Variants in EIF3J observed in about 807,000 individuals in gnomAD.
EIF3J encodes the protein eukaryotic translation initiation factor 3 subunit J.
In EIF3J, 15 loss-of-function variants were observed where a neutral mutation model predicts 39.0. The observed-to-expected ratio is 0.38, with a 90% CI of 0.26 to 0.59. The LOEUF is 0.59. EIF3J is among the 20% of genes least tolerant of loss of function. The pLI is 0.60. For missense variants in EIF3J, 226 were observed against 308.6 expected (o/e 0.73, Z 2.00); for synonymous variants, 98 against 112.9 (o/e 0.87, Z 0.84).
intron 2 of EIF3J, among the ~76,000 whole-genome samples, chr15:44,540,632 A>C (rs2082007393): frequency 6.6e-6 from 1 of 152,008 alleles, no homozygotes; most frequent in South Asian, 2.1e-4. Context: ...GTAGAGATAG[A>C]GTTTCGCCAA....
chr15:44,547,065 C>G (rs1344050554), intron 2 of EIF3J, among the ~76,000 whole-genome samples: 2 of 151,980 alleles, frequency 1.3e-5, no homozygotes, highest in Non-Finnish European at 2.9e-5. Context: ...CTCAAGTGAT[C>G]TGCCTGCCTC....
intron 3 of EIF3J, 55 bp downstream of exon 3, chr15:44,550,985 A>T (rs895087016): frequency 6.3e-7 from 1 of 1,582,744 alleles, no homozygotes; most frequent in African/African-American, 1.4e-5. Context: ...AGCATTTGTG[A>T]CTTGTATTAA....
intron 6 of EIF3J, chr15:44,558,083 GC>G (rs1223817252): frequency 6.6e-6 from 1 of 152,464 alleles, no homozygotes; most frequent in African/African-American, 2.4e-5. Context: ...GACAGGGCTG[GC>G]ACCTATTCTC....
chr15:44,551,639 A>T, intron 4 of EIF3J, 117 bp downstream of exon 4: 1 of 718,442 alleles, frequency 1.4e-6, no homozygotes, highest in Non-Finnish European at 2.2e-6. Flanking sequence ...AATGGATACC[A>T]TAAGATAGGT....
intron 2 of EIF3J, among the ~76,000 whole-genome samples, chr15:44,542,970 C>G (rs915378246): frequency 2.0e-5 from 3 of 152,162 alleles, no homozygotes; most frequent in African/African-American, 7.2e-5. Flanking sequence ...GAGTTGTAGA[C>G]TTGCTCCCTA....
In EIF3J at chr15:44,562,548, AC is replaced by A. The variant is rs2082213698; in HGVS notation, c.*1400del. 6.5e-6 allele frequency: 1 copy of A among 153,364 alleles called. No homozygotes were observed. The highest frequency in any genetic ancestry group is 2.4e-5 in the African/African-American group (1 of 41,462). The allele number at this position is 153,364 out of a possible 1,614,324, so 9.5% of individuals were successfully genotyped here. Reference sequence around the variant, plus strand: ...AGGAACGTCAAAGCTCTGTATACCTACTAAGTGGAAAACAAGACCATCATCT... The same window carrying A: ...AGGAACGTCAAAGCTCTGTATACCTATAAGTGGAAAACAAGACCATCATCT... On this transcript the variant is annotated 3_prime_UTR_variant, in exon 8 of 8. Coordinates refer to ENST00000261868, the MANE Select transcript of EIF3J (RefSeq NM_003758.4).
rs753912691 is a variant in EIF3J, at chr15:44,554,584, C to G, written c.326C>G (p.Thr109Arg). ...GAACCCGAAGAACCTAAAGTGCTAA[C>G]ACCAGAAGAACAATTAGCAGATAAA... ...LEEPEEPKVL[T>R]PEEQLADKLR... Residue 109 changes from threonine to arginine, a missense_variant, in exon 5 of 8, where the codon ACA becomes AGA. Around this residue, in one of 2 missense-constraint regions of EIF3J, gnomAD observed 143 missense variants for 156.0 expected, o/e 0.92. Coordinates refer to ENST00000261868, the MANE Select transcript of EIF3J (RefSeq NM_003758.4). The G allele has an allele frequency of 6.2e-7, 1 of 1,612,154 alleles. No homozygotes were observed. The highest frequency in any genetic ancestry group is 8.5e-7 in the Non-Finnish European group (1 of 1,179,380).
chr15:44,549,197 C>G lies in EIF3J; in HGVS notation c.148-1679C>G, dbSNP rs2082077926. Among the ~76,000 whole-genome samples, 6 of 150,972 alleles carry G rather than the reference C, an allele frequency of 4.0e-5. No homozygotes were observed. In the South Asian group the frequency reaches 1.3e-3, roughly 32 times the overall value. ...TCACCTGAGGTTGGGAGTTCGAGAT[C>G]AGCCTGACCAACATGGACAAACCCC... On this transcript the variant is annotated intron_variant, in intron 2 of 7. Coordinates refer to ENST00000261868, the MANE Select transcript of EIF3J (RefSeq NM_003758.4).
chr15:44,539,026 CTTTTTTT>C (rs942051829), intron 2 of EIF3J, among the ~76,000 whole-genome samples: 45 of 136,286 alleles, frequency 3.3e-4, no homozygotes, highest in African/African-American at 1.2e-3. Context: ...GAATATAATT[CTTTTTTT>C]TTTTTTTTTT....
intron 5 of EIF3J, among the ~76,000 whole-genome samples, chr15:44,556,853 T>A (rs955522000): frequency 3.3e-5 from 5 of 151,842 alleles, no homozygotes; most frequent in African/African-American, 1.2e-4. Context: ...AGAGATGAGG[T>A]CTTGCTGTGT....
At chr15:44,556,147 T>C (rs1287164170) in intron 5 of EIF3J, among the ~76,000 whole-genome samples, 1 of 152,174 alleles carries the variant, frequency 6.6e-6, no homozygotes, top group African/African-American at 2.4e-5. Flanking sequence ...ATTACAGGCA[T>C]GAGCCACCAT....
intron 2 of EIF3J, among the ~76,000 whole-genome samples, chr15:44,540,997 T>A (rs576260143): frequency 6.6e-6 from 1 of 152,348 alleles, no homozygotes; most frequent in African/African-American, 2.4e-5. Context: ...AATAGCTGTC[T>A]GGCAGTGGCA....
chr15:44,552,242 C>A (rs2082105529), intron 4 of EIF3J, among the ~76,000 whole-genome samples: 1 of 151,674 alleles, frequency 6.6e-6, no homozygotes, highest in Non-Finnish European at 1.5e-5. Context: ...GAAATATATG[C>A]TTGTTTTTTT....
At position 44,540,630 on chromosome 15, in the gene EIF3J, A is replaced by G. The variant is rs140917409; in HGVS notation, c.147+3203A>G. Among the ~76,000 whole-genome samples, 75 of 148,914 alleles carry G rather than the reference A, an allele frequency of 5.0e-4. No individual in the cohort carries two copies. The East Asian group carries it at 0.011, about 21-fold the overall frequency. On this transcript the variant is annotated intron_variant, in intron 2 of 7. Coordinates refer to ENST00000261868, the MANE Select transcript of EIF3J (RefSeq NM_003758.4). ...TAATTTTTGTGTTTTTGGTAGAGAT[A>G]GAGTTTCGCCAAGTTGCCCAGGCTG...
rs1595810388 is a variant in EIF3J at position 44,561,485 on chromosome 15, C to T, written c.*336C>T. On this transcript the variant is annotated 3_prime_UTR_variant, in exon 8 of 8. Transcript: ENST00000261868. Reference sequence around the variant, plus strand: ...ACAAAAAAAATTGTGTAGTATTTACCAGCACCATTCAGTAATACAGCCTTA... The same window carrying T: ...ACAAAAAAAATTGTGTAGTATTTACTAGCACCATTCAGTAATACAGCCTTA... 4.9e-6 allele frequency: 1 copy of T among 204,456 alleles called. No homozygotes were observed. Among genetic ancestry groups the T allele is most frequent in the East Asian group, 1.1e-4 (1 of 8,858 alleles). The allele number at this position is 204,456 out of a possible 1,614,324, so 12.7% of individuals were successfully genotyped here.
chr15:44,554,396 A>C (rs888059787), intron 4 of EIF3J, among the ~76,000 whole-genome samples, 157 bp from the exon 5 acceptor site: 25 of 151,730 alleles, frequency 1.6e-4, no homozygotes, highest in African/African-American at 5.8e-4. Context: ...AAAAAAAAAA[A>C]AAAACTAAAG....
chr15:44,546,844 T>TTG (rs1186565339), intron 2 of EIF3J, among the ~76,000 whole-genome samples: 8 of 139,142 alleles, frequency 5.7e-5, no homozygotes, highest in African/African-American at 2.3e-4. Context: ...TTTTTTTTTT[T>TTG]GAGACAGAGT....
chr15:44,560,656 A>G (rs912895429), intron 7 of EIF3J: 4 of 342,400 alleles, frequency 1.2e-5, no homozygotes, highest in South Asian at 6.2e-5. Flanking sequence ...CAGAGTATTT[A>G]TAAGAGTAAA....
Position 44,551,557 on chromosome 15 carries a change from A to G in EIF3J, c.294+35A>G, listed in dbSNP as rs774684059. On this transcript the variant is annotated intron_variant, in intron 4 of 7. Transcript: ENST00000261868. ...GTTTTCTAAAATACAGAATTCTCAC[A>G]TCGGTAGTGGTATAGTTTCTAACAG... The G allele has an allele frequency of 2.5e-5, 37 of 1,488,118 alleles. No individual in the cohort carries two copies. The South Asian group carries it at 4.3e-4, about 17-fold the overall frequency. 92.2% of individuals were successfully genotyped at this position (1,488,118 alleles called of 1,614,324 possible).
Sources: gnomAD v4.1 joint callset for allele counts (sites outside exome capture counted in the v4.1 genomes callset) on GRCh38, gnomAD v4.1.1 for gene constraint, gnomAD v4.1.1 regional missense constraint, MANE v1.5 for transcripts, NCBI Gene and HGNC (gene_info 2026-07-23, HGNC 2026-07-21) for gene names.